Variants in RAB3B observed in about 807,000 individuals in gnomAD.
RAB3B encodes the protein ras-related protein Rab-3B.
Under a neutral mutation model 20.5 loss-of-function variants are expected in RAB3B, and 11 were observed. The ratio of observed to expected loss-of-function variants is 0.54; its 90% CI spans 0.34 to 0.89. RAB3B has a LOEUF of 0.89. Among genes scored for constraint, RAB3B ranks in the 40% least tolerant of loss-of-function variants. The pLI, the probability that RAB3B is intolerant of heterozygous loss-of-function variation, is 0.02. For missense variants in RAB3B, 225 were observed against 280.9 expected (o/e 0.80, Z 1.42); for synonymous variants, 99 against 106.3 (o/e 0.93, Z 0.42).
Position 51,920,083 on chromosome 1 carries a change from CTCCTTTGCACTGGCTTCAA to C in RAB3B, c.485_503del (p.Phe162Ter). On this transcript the variant is annotated frameshift_variant, in exon 5 of 5. Coordinates refer to ENST00000371655, the MANE Select transcript of RAB3B (RefSeq NM_002867.4). LOFTEE classifies it high-confidence loss of function. ...CAAAGGCCTGCCTTACACTGATGTTCTCCTTTGCACTGGCTTCAAAGAAATCAAACCCTGGAAAGAGGAG... is the reference window on the plus strand; with the variant it reads ...CAAAGGCCTGCCTTACACTGATGTTCAGAAATCAAACCCTGGAAAGAGGAG... 6.2e-7 allele frequency: 1 copy of C among 1,612,734 alleles called. No homozygotes were observed. The highest frequency in any genetic ancestry group is 1.1e-5 in the South Asian group (1 of 90,988).
chr1:51,985,798 A>C (rs1026192022), intron 1 of RAB3B, among the ~76,000 whole-genome samples: 3 of 152,036 alleles, frequency 2.0e-5, no homozygotes, highest in African/African-American at 7.3e-5. Context: ...AAGTGATGGC[A>C]AGAGTAAAAA....
At chr1:51,924,589 G>C (rs1296980668) in intron 4 of RAB3B, among the ~76,000 whole-genome samples, 1 of 152,148 alleles carries the variant, frequency 6.6e-6, no homozygotes, top group African/African-American at 2.4e-5. Context: ...CCTAAGTGGT[G>C]AGAGTTGAGT....
rs564175469 is a variant in RAB3B, at chr1:51,919,802, C to T, written c.*125G>A. Reference sequence around the variant, plus strand: ...GGGCAGGCAAAGAATAGCAGCAACTCATCTTGCTCTGAGTGTGGGCAGTGT... The same window carrying T: ...GGGCAGGCAAAGAATAGCAGCAACTTATCTTGCTCTGAGTGTGGGCAGTGT... On this transcript the variant is annotated 3_prime_UTR_variant, in exon 5 of 5. Coordinates refer to ENST00000371655, the MANE Select transcript of RAB3B (RefSeq NM_002867.4). The T allele has an allele frequency of 1.4e-5, 14 of 980,000 alleles. No homozygotes were observed. In the African/African-American group the frequency reaches 2.1e-4, roughly 15 times the overall value. 60.7% of individuals were successfully genotyped at this position (980,000 alleles called of 1,614,324 possible).
chr1:51,924,560 T>C (rs926726024), intron 4 of RAB3B, among the ~76,000 whole-genome samples: 1 of 152,160 alleles, frequency 6.6e-6, no homozygotes, highest in Admixed American at 6.5e-5. Flanking sequence ...AGCAGTTTGT[T>C]ATCCTTAGAG....
intron 4 of RAB3B, among the ~76,000 whole-genome samples, chr1:51,924,228 A>G (rs1194687919): frequency 6.6e-6 from 1 of 152,212 alleles, no homozygotes; most frequent in Non-Finnish European, 1.5e-5. Context: ...TGAATCAGAC[A>G]CAGCCCTTAC....
At chr1:51,925,043 A>C (rs1486430968) in intron 4 of RAB3B, among the ~76,000 whole-genome samples, 1 of 152,100 alleles carries the variant, frequency 6.6e-6, no homozygotes, top group African/African-American at 2.4e-5. Flanking sequence ...ACTCTGTCCA[A>C]AGGCAGCTGT....
chr1:51,976,838 G>A, intron 2 of RAB3B, 52 bp downstream of exon 2: 1 of 1,531,244 alleles, frequency 6.5e-7, no homozygotes, highest in Non-Finnish European at 9.0e-7. Flanking sequence ...CCCTTGTACT[G>A]GCAGGCCAGC....
intron 2 of RAB3B, among the ~76,000 whole-genome samples, chr1:51,972,489 C>CTTTTTTTTTTTTTTT (rs1160625371): frequency 1.5e-5 from 2 of 130,860 alleles, no homozygotes; most frequent in African/African-American, 2.8e-5. Context: ...TTTCTTTTTT[C>CTTTTTTTTTTTTTTT]TTTTTTTTTT....
rs1433339546 is a variant in RAB3B at position 51,911,452 on chromosome 1, T to C, written c.*8475A>G. ...CTTTGGAGCTAGAAGGATATATAAA[T>C]GAGAAAACTGAGAACAAAAGAAGAG... On this transcript the variant is annotated 3_prime_UTR_variant, in exon 5 of 5. Coordinates refer to ENST00000371655, the MANE Select transcript of RAB3B (RefSeq NM_002867.4). 1.3e-5 allele frequency: 2 copies of C among 152,148 alleles called. No homozygotes were observed. The highest frequency in any genetic ancestry group is 2.4e-5 in the African/African-American group (1 of 41,444). 9.4% of individuals were successfully genotyped at this position (152,148 alleles called of 1,614,324 possible).
chr1:51,971,344 G>A (rs961334470), intron 2 of RAB3B, among the ~76,000 whole-genome samples: 4 of 152,000 alleles, frequency 2.6e-5, no homozygotes, highest in Non-Finnish European at 4.4e-5. Context: ...CTATCCTTGG[G>A]GGATAAGTTC....
chr1:51,924,606 G>A (rs1684218761), intron 4 of RAB3B, among the ~76,000 whole-genome samples: 1 of 152,074 alleles, frequency 6.6e-6, no homozygotes, highest in Non-Finnish European at 1.5e-5. Flanking sequence ...GAGTCAGCAG[G>A]GGGCCAAACA....
chr1:51,978,318 A>G (rs1685037141), intron 1 of RAB3B, among the ~76,000 whole-genome samples: 1 of 152,190 alleles, frequency 6.6e-6, no homozygotes, highest in Non-Finnish European at 1.5e-5. Context: ...GGGGAGAACA[A>G]TTTCCACCCT....
chr1:51,922,790 G>A (rs927292214), intron 4 of RAB3B, among the ~76,000 whole-genome samples: 12 of 151,980 alleles, frequency 7.9e-5, no homozygotes, highest in South Asian at 4.2e-4. Flanking sequence ...TCTGCCTCCC[G>A]GGTTCAAGCG....
intron 2 of RAB3B, among the ~76,000 whole-genome samples, chr1:51,941,233 C>T (rs750390014): frequency 3.0e-4 from 46 of 151,990 alleles, no homozygotes; most frequent in African/African-American, 1.0e-3. Flanking sequence ...ACTTCAGGAA[C>T]GGTAGGGGAT....
intron 2 of RAB3B, among the ~76,000 whole-genome samples, chr1:51,966,979 T>C (rs149075688): frequency 6.6e-6 from 1 of 152,210 alleles, no homozygotes; most frequent in African/African-American, 2.4e-5. Flanking sequence ...CTCAGTAAAG[T>C]CCCTATCTCA....
chr1:51,912,594 T>TAC lies in RAB3B; in HGVS notation c.*7332_*7333insGT, dbSNP rs1297795528. On this transcript the variant is annotated 3_prime_UTR_variant, in exon 5 of 5. Transcript: ENST00000371655. ...ATATATATATATATATATATATATA[T>TAC]ATATATAAAAAATGTTACTCCTGTG... is the stretch of plus-strand genomic sequence containing the variant. 11 of 35,280 alleles carry TAC rather than the reference T, an allele frequency of 3.1e-4. No individual in the cohort carries two copies. Among genetic ancestry groups the TAC allele is most frequent in the African/African-American group, 1.1e-3 (11 of 9,994 alleles). 2.2% of individuals were successfully genotyped at this position (35,280 alleles called of 1,614,324 possible).
chr1:51,958,561 TA>T (rs1321514543), intron 2 of RAB3B, among the ~76,000 whole-genome samples: 3 of 151,982 alleles, frequency 2.0e-5, no homozygotes, highest in African/African-American at 7.3e-5. Flanking sequence ...CTGTCTCTAC[TA>T]AAAATACAAC....
chr1:51,920,092 A>T lies in RAB3B; in HGVS notation c.495T>A (p.Ser165Arg). 6.2e-7 allele frequency: 1 copy of T among 1,612,352 alleles called. No individual in the cohort carries two copies. The highest frequency in any genetic ancestry group is 8.5e-7 in the Non-Finnish European group (1 of 1,178,842). The change falls in exon 5 of 5, where the codon AGT (serine) becomes AGA (arginine). Residue 165 changes from serine (S) to arginine (R), a missense_variant. Coordinates refer to ENST00000371655, the MANE Select transcript of RAB3B (RefSeq NM_002867.4). The stretch of plus-strand genomic sequence containing the variant: ...GCCTTACACTGATGTTCTCCTTTGC[A>T]CTGGCTTCAAAGAAATCAAACCCTG... The part of the protein sequence containing the change: ...EQLGFDFFEA[S>R]AKENISVRQA...
chr1:51,955,241 A>G (rs886524278), intron 2 of RAB3B, among the ~76,000 whole-genome samples: 5 of 152,072 alleles, frequency 3.3e-5, no homozygotes, highest in Non-Finnish European at 7.4e-5. Context: ...AATTACTTCT[A>G]TTTTCCTGAA....
Sources: gnomAD v4.1 joint callset for allele counts (sites outside exome capture counted in the v4.1 genomes callset) on GRCh38, gnomAD v4.1.1 for gene constraint, MANE v1.5 for transcripts, NCBI Gene and HGNC (gene_info 2026-07-23, HGNC 2026-07-21) for gene names.